Variants in NOVA1 observed in about 807,000 individuals in gnomAD.
The protein encoded by NOVA1 is RNA-binding protein Nova-1.
In NOVA1, 7 loss-of-function variants were observed where a neutral mutation model predicts 38.0. That is an observed-to-expected ratio of 0.18 (90% CI 0.10 to 0.35). NOVA1 has a LOEUF of 0.35. NOVA1 is among the 10% of genes least tolerant of loss of function. The probability of loss-of-function intolerance (pLI) is 1.00; values close to 1 mark genes in which losing one functional copy is unlikely to be tolerated. For synonymous variants in NOVA1, 270 were observed against 232.5 expected (o/e 1.16, Z -1.47); for missense variants, 460 against 616.0 (o/e 0.75, Z 2.68).
chr14:26,566,610 A>C (rs900881742), intron 2 of NOVA1, among the ~76,000 whole-genome samples: 2 of 152,088 alleles, frequency 1.3e-5, no homozygotes, highest in African/African-American at 4.8e-5. Flanking sequence ...CTACCTCTCA[A>C]CTAATAAGGC....
chr14:26,510,984 T>C (rs974058932), intron 2 of NOVA1, among the ~76,000 whole-genome samples: 2 of 152,122 alleles, frequency 1.3e-5, no homozygotes, highest in African/African-American at 4.8e-5. Flanking sequence ...TTTAAGAAAA[T>C]CTTTCCAAAG....
intron 2 of NOVA1, among the ~76,000 whole-genome samples, chr14:26,569,156 CAA>C (rs932467818): frequency 6.6e-6 from 1 of 152,038 alleles, no homozygotes; most frequent in African/African-American, 2.4e-5. Context: ...CCAGCAGAAA[CAA>C]CACAGAGCAG....
At chr14:26,456,988 T>TAC (rs988064058) in intron 4 of NOVA1, among the ~76,000 whole-genome samples, 16 of 151,834 alleles carry the variant, frequency 1.1e-4, no homozygotes, top group African/African-American at 3.9e-4. Context: ...CATATATATA[T>TAC]ATGTAGTTTG....
chr14:26,464,567 A>T (rs1160969895), intron 4 of NOVA1, among the ~76,000 whole-genome samples: 2 of 152,190 alleles, frequency 1.3e-5, no homozygotes, highest in Non-Finnish European at 2.9e-5. Flanking sequence ...ATCTATTTGT[A>T]CGCCACTTTT....
chr14:26,489,120 C>A (rs546130391), intron 2 of NOVA1, among the ~76,000 whole-genome samples: 1 of 152,096 alleles, frequency 6.6e-6, no homozygotes, highest in Non-Finnish European at 1.5e-5. Flanking sequence ...AAATTAATGT[C>A]TCTTACATTA....
intron 2 of NOVA1, among the ~76,000 whole-genome samples, chr14:26,569,740 T>A (rs190008316): frequency 1.4e-4 from 21 of 152,352 alleles, no homozygotes; most frequent in African/African-American, 5.1e-4. Context: ...TTTCAACTTC[T>A]ATAAACTTGA....
intron 4 of NOVA1, among the ~76,000 whole-genome samples, chr14:26,467,899 T>C (rs1884270199): frequency 6.6e-6 from 1 of 152,060 alleles, no homozygotes. Context: ...GCAAGAAACA[T>C]TGTGGGGGTT....
chr14:26,498,049 T>C (rs1278294083), intron 2 of NOVA1, among the ~76,000 whole-genome samples: 1 of 152,136 alleles, frequency 6.6e-6, no homozygotes, highest in Non-Finnish European at 1.5e-5. Flanking sequence ...AAAATTCTAC[T>C]AATAGATTAA....
At chr14:26,481,987 A>AT (rs1885494263) in intron 2 of NOVA1, among the ~76,000 whole-genome samples, 7 of 58,606 alleles carry the variant, frequency 1.2e-4, no homozygotes, top group South Asian at 8.6e-4. Flanking sequence ...TTAGATAGAG[A>AT]TAAAAAAAAA....
intron 2 of NOVA1, among the ~76,000 whole-genome samples, chr14:26,511,082 T>C (rs942622097): frequency 6.6e-6 from 1 of 151,688 alleles, no homozygotes; most frequent in Non-Finnish European, 1.5e-5. Flanking sequence ...CGTAGCCCCA[T>C]GAAACTACCA....
intron 2 of NOVA1, among the ~76,000 whole-genome samples, chr14:26,557,228 T>G (rs1264163022): frequency 6.6e-6 from 1 of 152,158 alleles, no homozygotes; most frequent in Non-Finnish European, 1.5e-5. Context: ...AGTATCTCCT[T>G]AGGGAAGTGA....
Position 26,448,074 on chromosome 14 carries a change from C to T in NOVA1, c.1409G>A (p.Arg470Gln), listed in dbSNP as rs746531696. The T allele has an allele frequency of 4.3e-6, 7 of 1,614,018 alleles. No individual in the cohort carries two copies. Among genetic ancestry groups the T allele is most frequent in the Non-Finnish European group, 5.1e-6 (6 of 1,180,008 alleles). ...KGEFVPGTRN[R>Q]KVTITGTPAA... ...TGGTGTTCCAGTAATGGTTACCTTC[C>T]GATTCCTTGTGCCAGGTACGAATTC... The change falls in exon 5 of 5, where the codon CGG becomes CAG. Residue 470 changes from arginine to glutamine, a missense_variant. By Grantham distance (43) the Arg-to-Gln change is conservative (BLOSUM62 1). Coordinates refer to ENST00000539517, the MANE Select transcript of NOVA1 (RefSeq NM_002515.3). This position sits in a 1 kb window ranked among gnomAD's most constrained non-coding sequence, Gnocchi z 5.3.
chr14:26,574,058 C>G (rs1207628270), intron 2 of NOVA1, among the ~76,000 whole-genome samples: 1 of 148,556 alleles, frequency 6.7e-6, no homozygotes, highest in Non-Finnish European at 1.5e-5. Flanking sequence ...CAGAGTCTCC[C>G]TCTGTCACCC....
chr14:26,538,887 C>A (rs939492070), intron 2 of NOVA1, among the ~76,000 whole-genome samples: 1 of 152,124 alleles, frequency 6.6e-6, no homozygotes, highest in African/African-American at 2.4e-5. Context: ...GGATAGCCAA[C>A]CCACACAGCA....
chr14:26,475,841 GAC>G (rs1405667176), intron 3 of NOVA1, among the ~76,000 whole-genome samples: 1 of 152,070 alleles, frequency 6.6e-6, no homozygotes, highest in East Asian at 1.9e-4. Flanking sequence ...GTTAACAAAT[GAC>G]AGTTTTGCTG....
chr14:26,483,760 G>T (rs1027640986), intron 2 of NOVA1, among the ~76,000 whole-genome samples: 1 of 152,132 alleles, frequency 6.6e-6, no homozygotes, highest in African/African-American at 2.4e-5. Flanking sequence ...CACAAAAATA[G>T]TTTATAAGAC....
intron 2 of NOVA1, among the ~76,000 whole-genome samples, chr14:26,538,303 T>C (rs1234376483): frequency 6.6e-6 from 1 of 152,124 alleles, no homozygotes; most frequent in Non-Finnish European, 1.5e-5. Context: ...TACAATTTTC[T>C]ACCTTTCAAA....
intron 2 of NOVA1, among the ~76,000 whole-genome samples, chr14:26,582,089 T>A (rs1258847518): frequency 6.6e-6 from 1 of 151,830 alleles, no homozygotes; most frequent in Non-Finnish European, 1.5e-5. Context: ...TCAGTTTAAA[T>A]GAAAACATAA....
chr14:26,499,518 G>A (rs887059466), intron 2 of NOVA1, among the ~76,000 whole-genome samples: 1 of 152,038 alleles, frequency 6.6e-6, no homozygotes, highest in Admixed American at 6.6e-5. Flanking sequence ...GTAATTCAAG[G>A]AAAACAGGAA....
Sources: allele counts gnomAD v4.1 joint callset (sites outside exome capture counted in the v4.1 genomes callset), GRCh38; gene constraint gnomAD v4.1.1; non-coding constraint Gnocchi (gnomAD v3.1); transcripts MANE v1.5; gene names NCBI Gene and HGNC (gene_info 2026-07-23, HGNC 2026-07-21).